The following ZNF318 variants were observed in gnomAD, a reference collection of about 807,000 sequenced individuals.
ZNF318 encodes the protein zinc finger protein 318.
In ZNF318, 51 loss-of-function variants were observed where a neutral mutation model predicts 124.2. The ratio of observed to expected loss-of-function variants is 0.41; its 90% CI spans 0.33 to 0.52. ZNF318 has a LOEUF of 0.52. ZNF318 is among the 20% of genes least tolerant of loss of function. The probability of loss-of-function intolerance (pLI) is 0.23; values close to 1 mark genes in which losing one functional copy is unlikely to be tolerated. For synonymous variants in ZNF318, 1,090 were observed against 1,040.7 expected (o/e 1.05, Z -0.91); for missense variants, 2,815 against 2,811.2 (o/e 1.00, Z -0.03).
At chr6:43,340,765 T>C (rs1232659512) in intron 9 of ZNF318, 25 bp downstream of exon 9, 1 of 1,591,214 alleles carries the variant, frequency 6.3e-7, no homozygotes, top group Non-Finnish European at 8.6e-7. Flanking sequence ...AGTTGGAAAC[T>C]CCACAGCCTA....
At position 43,357,725 on chromosome 6, in the gene ZNF318, G is replaced by A; in HGVS notation, c.589C>T (p.Gln197Ter). 1 of 1,604,714 alleles carries A rather than the reference G, an allele frequency of 6.2e-7. No individual in the cohort carries two copies. Among genetic ancestry groups the A allele is most frequent in the South Asian group, 1.1e-5 (1 of 90,974 alleles). The change falls in exon 3 of 10, where the codon CAG becomes TAG. Residue 197 changes from glutamine to a stop codon, truncating the protein, a stop_gained. Transcript: ENST00000361428. LOFTEE classifies it high-confidence loss of function. ...TATCGCTCAAGACCCCGAGAGCACTGGGAGCTTCGAGTGAAGACAGAATCA... is the reference window on the plus strand; with the variant it reads ...TATCGCTCAAGACCCCGAGAGCACTAGGAGCTTCGAGTGAAGACAGAATCA... Reference protein sequence around the residue: ...TDDSVFTRSSQCSRGLERYIS... With the variant: ...TDDSVFTRSS
chr6:43,368,909 G>A (rs1391184985), intron 1 of ZNF318, 58 bp downstream of exon 1: 1 of 1,295,052 alleles, frequency 7.7e-7, no homozygotes, highest in Non-Finnish European at 9.8e-7. Context: ...CTGGAAACGG[G>A]AATTCCGGGG....
rs1043892053 is a variant in ZNF318 at position 43,357,286 on chromosome 6, T to G, written c.1028A>C (p.Asp343Ala). ...RSLSQELVGV[D>A]GGGTGCSIPG... ...GATGGAACAGCCAGTACCACCACCA[T>G]CAACTCCAACCAGCTCCTGACTCAA... The change falls in exon 3 of 10, where the codon GAT becomes GCT. Residue 343 changes from aspartate to alanine, a missense_variant. Physicochemically the swap from Asp to Ala is moderately radical, Grantham distance 126. Coordinates refer to ENST00000361428, the MANE Select transcript of ZNF318 (RefSeq NM_014345.3). 3 of 1,613,886 alleles carry G rather than the reference T, an allele frequency of 1.9e-6. No individual in the cohort carries two copies. In the African/African-American group the frequency reaches 4.0e-5, roughly 22 times the overall value.
At position 43,355,718 on chromosome 6, in the gene ZNF318, T is replaced by A; in HGVS notation, c.1616A>T (p.Tyr539Phe). 1 of 1,614,162 alleles carries A rather than the reference T, an allele frequency of 6.2e-7. No individual in the cohort carries two copies. ...PDIEDEEKFL[Y>F]GDEEEDLKAE... ...CTTTAAATCCTCTTCTTCATCCCCA[T>A]AGAGAAATTTCTCCTCATCTTCAAT... Residue 539 changes from tyrosine to phenylalanine, a missense_variant, in exon 4 of 10, where the codon TAT (tyrosine) becomes TTT (phenylalanine). Tyr to Phe is a conservative substitution (Grantham distance 22, BLOSUM62 3). Around this residue, in one of 4 missense-constraint regions of ZNF318, gnomAD observed 1,377 missense variants for 1,353.5 expected, o/e 1.02. Coordinates refer to ENST00000361428, the MANE Select transcript of ZNF318 (RefSeq NM_014345.3).
intron 1 of ZNF318, 87 bp downstream of exon 1, chr6:43,368,880 C>G: frequency 8.0e-7 from 1 of 1,257,202 alleles, no homozygotes; most frequent in East Asian, 3.2e-5. Context: ...GGACCCTGGT[C>G]TGGAGGCCCC....
chr6:43,355,077 G>A lies in ZNF318; in HGVS notation c.2257C>T (p.Pro753Ser), dbSNP rs1322291792. 1.2e-6 allele frequency: 2 copies of A among 1,614,208 alleles called. No individual in the cohort carries two copies. Among genetic ancestry groups the A allele is most frequent in the East Asian group, 2.2e-5 (1 of 44,878 alleles). Residue 753 changes from proline (P) to serine (S), a missense_variant, in exon 4 of 10, where the codon CCA becomes TCA. Pro to Ser is a moderately conservative substitution (Grantham distance 74). Coordinates refer to ENST00000361428, the MANE Select transcript of ZNF318 (RefSeq NM_014345.3). ...AACTGAGATAAAGCAGCAGTGTGTG[G>A]AAGTCTAATTGGGGCAGATGGGGCT... ...PSAPSAPIRL[P>S]HTAALSQFHM...
intron 2 of ZNF318, among the ~76,000 whole-genome samples, chr6:43,358,728 C>G (rs181714431): frequency 7.0e-4 from 106 of 152,008 alleles, no homozygotes; most frequent in African/African-American, 2.4e-3. Flanking sequence ...TGACTTTTTG[C>G]ATTTTTTTAG....
intron 6 of ZNF318, among the ~76,000 whole-genome samples, chr6:43,343,901 A>G (rs1201897061): frequency 2.0e-5 from 3 of 152,028 alleles, no homozygotes. Flanking sequence ...TCAACTTCTT[A>G]ATATTAAAGT....
In ZNF318 at chr6:43,342,999, T is replaced by C. The variant is rs116143108; in HGVS notation, c.3073-120A>G. 4.0e-4 allele frequency: 328 copies of C among 809,888 alleles called. No individual in the cohort carries two copies. In the African/African-American group the frequency reaches 5.3e-3, roughly 13 times the overall value. 50.2% of individuals were successfully genotyped at this position (809,888 alleles called of 1,614,324 possible). On this transcript the variant is annotated intron_variant, in intron 6 of 9. Coordinates refer to ENST00000361428, the MANE Select transcript of ZNF318 (RefSeq NM_014345.3). ...GCCATATGACCATATTTCCAATGTT[T>C]AAAGCTGCACAAGTTGGGGGGAACC...
At chr6:43,351,211 C>G (rs1421441935) in intron 5 of ZNF318, among the ~76,000 whole-genome samples, 2 of 152,110 alleles carry the variant, frequency 1.3e-5, no homozygotes, top group African/African-American at 2.4e-5. Flanking sequence ...TTATGAAATA[C>G]AAACACTCAG....
In ZNF318 at chr6:43,369,409, C is replaced by T; in HGVS notation, c.-44G>A. On this transcript the variant is annotated 5_prime_UTR_variant, in exon 1 of 10. Transcript: ENST00000361428. ...CACGGCGACAGCTCTGACCCGGGGG[C>T]GCCCTAGACGCAGGCTCGGAGCGCG... The T allele has an allele frequency of 1.7e-6, 2 of 1,169,746 alleles. No homozygotes were observed. The highest frequency in any genetic ancestry group is 2.1e-6 in the Non-Finnish European group (2 of 947,228). 72.5% of individuals were successfully genotyped at this position (1,169,746 alleles called of 1,614,324 possible). A position where few individuals can be genotyped will look rare whatever the true frequency, so the allele number is the denominator to read the frequency against.
intron 1 of ZNF318, among the ~76,000 whole-genome samples, chr6:43,367,726 T>C (rs1262727731): frequency 6.6e-6 from 1 of 152,354 alleles, no homozygotes; most frequent in Non-Finnish European, 1.5e-5. Context: ...CCTTCCTCTG[T>C]AGTGACTGCC....
chr6:43,349,950 T>A (rs543001072), intron 5 of ZNF318, among the ~76,000 whole-genome samples: 1 of 148,866 alleles, frequency 6.7e-6, no homozygotes. Flanking sequence ...CCCTGTCTCT[T>A]AAAAAAAAAG....
Position 43,369,428 on chromosome 6 carries a change from G to A in ZNF318, c.-63C>T, listed in dbSNP as rs1779808099. On this transcript the variant is annotated 5_prime_UTR_variant, in exon 1 of 10. Coordinates refer to ENST00000361428, the MANE Select transcript of ZNF318 (RefSeq NM_014345.3). ...CGGGGGCGCCCTAGACGCAGGCTCG[G>A]AGCGCGCCGCCGCAGCTGCAGCCGC... 8.7e-7 allele frequency: 1 copy of A among 1,143,174 alleles called. No individual in the cohort carries two copies. The highest frequency in any genetic ancestry group is 1.1e-6 in the Non-Finnish European group (1 of 928,966). The allele number at this position is 1,143,174 out of a possible 1,614,324, so 70.8% of individuals were successfully genotyped here.
At chr6:43,358,162 C>G (rs753186544) in intron 2 of ZNF318, among the ~76,000 whole-genome samples, 29 of 152,196 alleles carry the variant, frequency 1.9e-4, no homozygotes, top group Non-Finnish European at 3.2e-4. Flanking sequence ...CCAAGCAGAT[C>G]TGAACTAGAA....
Position 43,355,513 on chromosome 6 carries a change from C to T in ZNF318, c.1821G>A (p.Glu607=). ...KTIGLDIGVA[E]ISQLAARTQE... ...GGGTGCGTGCAGCCAATTGACTAAT[C>T]TCTGCTACTCCAATATCCAGCCCTA... is the stretch of plus-strand genomic sequence containing the variant. The change falls in exon 4 of 10, where the codon GAG becomes GAA. Residue 607 remains glutamate, a synonymous_variant. Coordinates refer to ENST00000361428, the MANE Select transcript of ZNF318 (RefSeq NM_014345.3). The T allele has an allele frequency of 6.2e-7, 1 of 1,614,158 alleles. No homozygotes were observed. Among genetic ancestry groups the T allele is most frequent in the African/African-American group, 1.3e-5 (1 of 75,022 alleles).
chr6:43,337,927 A>T lies in ZNF318; in HGVS notation c.6071T>A (p.Phe2024Tyr). The T allele has an allele frequency of 6.2e-7, 1 of 1,614,236 alleles. No individual in the cohort carries two copies. The highest frequency in any genetic ancestry group is 8.5e-7 in the Non-Finnish European group (1 of 1,180,042). The change falls in exon 10 of 10, where the codon TTC becomes TAC. Residue 2024 changes from phenylalanine to tyrosine, a missense_variant. Transcript: ENST00000361428. ...TGCTGGGCTTACCCGAGTAGTGCAG[A>T]AATCAACAGGCATATCCCCCAGATT... The part of the protein sequence containing the change: ...LGNLGDMPVD[F>Y]CTTRVSPAHR...
rs1313423845 is a variant in ZNF318 at position 43,369,228 on chromosome 6, G to A, written c.138C>T (p.Ser46=). 6 of 1,226,504 alleles carry A rather than the reference G, an allele frequency of 4.9e-6. 1 individual carries two copies. Among genetic ancestry groups the A allele is most frequent in the South Asian group, 6.4e-5 (2 of 31,316 alleles). 76.0% of individuals were successfully genotyped at this position (1,226,504 alleles called of 1,614,324 possible). Residue 46 remains serine (S), a synonymous_variant, in exon 1 of 10, where the codon TCC becomes TCT. Coordinates refer to ENST00000361428, the MANE Select transcript of ZNF318 (RefSeq NM_014345.3). ...GAGCCGGGGTCCGCGACGAGGAGCC[G>A]GAGGGCGGAGGCGGCGGTGAGCTGC... ...ARRSSPPPPP[S]GSSSRTPARR... is the part of the protein sequence containing the mutation.
intron 2 of ZNF318, among the ~76,000 whole-genome samples, chr6:43,358,015 A>G (rs1779634522): frequency 6.6e-6 from 1 of 152,238 alleles, no homozygotes; most frequent in Non-Finnish European, 1.5e-5. Context: ...GACTTAGGGC[A>G]TGCAGAATAT....
Sources: gnomAD v4.1 joint callset for allele counts (sites outside exome capture counted in the v4.1 genomes callset) on GRCh38, gnomAD v4.1.1 for gene constraint, gnomAD v4.1.1 regional missense constraint, MANE v1.5 for transcripts, NCBI Gene and HGNC (gene_info 2026-07-23, HGNC 2026-07-21) for gene names.